SCAF11: variants seen among roughly 807,000 people sequenced by gnomAD.
SCAF11 encodes the protein SR-related CTD associated factor 11.
A neutral mutation model predicts 140.5 loss-of-function variants in SCAF11; 47 were observed. That is an observed-to-expected ratio of 0.33 (90% CI 0.26 to 0.43). The LOEUF (loss-of-function observed/expected upper bound fraction) is 0.43. Among genes scored for constraint, SCAF11 ranks in the 20% least tolerant of loss-of-function variants. The pLI is 1.00. For missense variants in SCAF11, 1,645 were observed against 1,705.1 expected, an observed-to-expected ratio of 0.96 and a Z score of 0.62; for synonymous variants, 557 against 579.4, an observed-to-expected ratio of 0.96 and a Z score of 0.55.
At chr12:45,943,832 G>T (rs978780694) in intron 6 of SCAF11, among the ~76,000 whole-genome samples, 3 of 152,078 alleles carry the variant, frequency 2.0e-5, no homozygotes, top group Non-Finnish European at 4.4e-5. Flanking sequence ...CTTAGATAAT[G>T]CTAACCTTCT....
intron 1 of SCAF11, among the ~76,000 whole-genome samples, chr12:45,973,216 GAGTC>G: frequency 6.6e-6 from 1 of 150,820 alleles, no homozygotes; most frequent in Non-Finnish European, 1.5e-5. Flanking sequence ...AAAGAGTAAA[GAGTC>G]AGTAAACTTG....
rs1311392098 is a variant in SCAF11 at position 45,926,419 on chromosome 12, T to G, written c.3282A>C (p.Glu1094Asp). ...GGGGTTTTCGATTTTGCCACCGATT[T>G]TCATTCTGATCTTTATAGGCAAAAC... ...RSSFAYKDQNENRWQNRKPLS... is the reference protein window; with the variant it reads ...RSSFAYKDQNDNRWQNRKPLS... The change falls in exon 11 of 15, where the codon GAA (glutamate) becomes GAC (aspartate). Residue 1094 changes from glutamate (E) to aspartate (D), a missense_variant. Around this residue, in one of 2 missense-constraint regions of SCAF11, gnomAD observed 1,582 missense variants for 1,609.2 expected, o/e 0.98. Transcript: ENST00000369367. 4.3e-6 allele frequency: 7 copies of G among 1,614,110 alleles called. No individual in the cohort carries two copies. In the Admixed American group the frequency reaches 8.3e-5, roughly 19 times the overall value.
At position 45,928,790 on chromosome 12, in the gene SCAF11, G is replaced by T; in HGVS notation, c.911C>A (p.Thr304Lys). The part of the protein sequence containing the change: ...EGEEKKQTSG[T>K]SNTRGSRRKP... The stretch of plus-strand genomic sequence containing the variant: ...TCGTCTTGATCCTCTGGTATTTGAT[G>T]TACCAGAAGTTTGCTTCTTTTCTTC... Residue 304 changes from threonine to lysine, a missense_variant, in exon 11 of 15, where the codon ACA (threonine) becomes AAA (lysine). Physicochemically the swap from Thr to Lys is moderately conservative, Grantham distance 78 (BLOSUM62 -1). Around this residue, in one of 2 missense-constraint regions of SCAF11, gnomAD observed 1,582 missense variants for 1,609.2 expected, o/e 0.98. Coordinates refer to ENST00000369367, the MANE Select transcript of SCAF11 (RefSeq NM_004719.3). 6.2e-7 allele frequency: 1 copy of T among 1,612,884 alleles called. No homozygotes were observed. Among genetic ancestry groups the T allele is most frequent in the Non-Finnish European group, 8.5e-7 (1 of 1,179,896 alleles).
intron 3 of SCAF11, chr12:45,960,417 T>TA (rs1565681532): frequency 2.0e-5 from 3 of 152,018 alleles, no homozygotes; most frequent in East Asian, 1.9e-4. Flanking sequence ...GCAAAATCTC[T>TA]AAAAAAATTT....
chr12:45,946,657 T>A (rs975032785), intron 5 of SCAF11, among the ~76,000 whole-genome samples: 5 of 152,020 alleles, frequency 3.3e-5, no homozygotes, highest in South Asian at 4.1e-4. Context: ...AAAAAATGCA[T>A]ATCTATGATA....
At chr12:45,983,362 C>T (rs1946387549) in intron 1 of SCAF11, among the ~76,000 whole-genome samples, 1 of 152,100 alleles carries the variant, frequency 6.6e-6, no homozygotes, top group South Asian at 2.1e-4. Context: ...ACATAGATAT[C>T]AACAAACCTG....
At position 45,927,608 on chromosome 12, in the gene SCAF11, G is replaced by C. The variant is rs974226305; in HGVS notation, c.2093C>G (p.Pro698Arg). The C allele has an allele frequency of 6.2e-7, 1 of 1,612,548 alleles. No homozygotes were observed. The highest frequency in any genetic ancestry group is 1.3e-5 in the African/African-American group (1 of 74,726). ...LTEHPRSTEL[P>R]KTHIEQIQKH... ...CTGAATCTGTTCAATGTGTGTTTTA[G>C]GCAACTCTGTAGATCTAGGATGTTC... Residue 698 changes from proline to arginine, a missense_variant, in exon 11 of 15, where the codon CCT becomes CGT. Physicochemically the swap from Pro to Arg is moderately radical, Grantham distance 103. Transcript: ENST00000369367.
intron 6 of SCAF11, among the ~76,000 whole-genome samples, chr12:45,944,364 T>C (rs1402474386): frequency 6.6e-6 from 1 of 152,254 alleles, no homozygotes; most frequent in Non-Finnish European, 1.5e-5. Flanking sequence ...AGAACGTTTG[T>C]TAATCTGTAA....
chr12:45,969,865 T>C (rs978783825), intron 1 of SCAF11, among the ~76,000 whole-genome samples: 8 of 152,076 alleles, frequency 5.3e-5, no homozygotes, highest in African/African-American at 1.4e-4. Context: ...GCCTCTCAAG[T>C]AGCTAGGACT....
rs759863926 is a variant in SCAF11 at position 45,922,581 on chromosome 12, TTC to T, written c.4126-1_4126del. The T allele has an allele frequency of 6.3e-7, 1 of 1,586,618 alleles. No homozygotes were observed. The highest frequency in any genetic ancestry group is 2.3e-5 in the East Asian group (1 of 44,274). On this transcript the variant is annotated splice_acceptor_variant and coding_sequence_variant, in exon 14 of 15. Transcript: ENST00000369367. LOFTEE classifies it high-confidence loss of function. ...TGCTGCTTTTTCTTGAATTTGCAAT[TTC>T]TGATGAGAAGAAAATGTATAATTTA...
intron 3 of SCAF11, chr12:45,956,148 T>A: frequency 1.4e-6 from 1 of 716,874 alleles, no homozygotes; most frequent in South Asian, 1.5e-5. Context: ...CGCTTCCTCC[T>A]GCTGCTCTAT....
chr12:45,958,738 C>A (rs753196006), intron 3 of SCAF11, among the ~76,000 whole-genome samples: 2 of 152,134 alleles, frequency 1.3e-5, no homozygotes, highest in Non-Finnish European at 2.9e-5. Context: ...ACAGGTTCAC[C>A]CTGAAACATT....
chr12:45,959,415 CAT>C, intron 3 of SCAF11, among the ~76,000 whole-genome samples: 1 of 152,176 alleles, frequency 6.6e-6, no homozygotes, highest in South Asian at 2.1e-4. Context: ...TAAATATTAA[CAT>C]AGTGAATTAA....
chr12:45,961,187 T>C (rs1945816697), intron 3 of SCAF11: 3 of 599,952 alleles, frequency 5.0e-6, no homozygotes, highest in Non-Finnish European at 9.1e-6. Context: ...TCTTAAACTA[T>C]GAGATCTTGA....
chr12:45,922,350 C>T (rs1353717353), intron 14 of SCAF11, 113 bp downstream of exon 14: 23 of 1,486,200 alleles, frequency 1.5e-5, no homozygotes, highest in Non-Finnish European at 2.0e-5. Flanking sequence ...AAAAAGTAGA[C>T]AGGAATTAGT....
rs748300627 is a variant in SCAF11, at chr12:45,922,618, A to G, written c.4126-36T>C. 6 of 1,556,930 alleles carry G rather than the reference A, an allele frequency of 3.9e-6. No individual in the cohort carries two copies. In the East Asian group the frequency reaches 1.4e-4, roughly 36 times the overall value. ...GAAAATGTATAATTTATTATTTGCC[A>G]GTCATACTGCTCTCACAAAATCCCA... On this transcript the variant is annotated intron_variant, in intron 13 of 14. Transcript: ENST00000369367.
chr12:45,922,941 C>G lies in SCAF11; in HGVS notation c.4120G>C (p.Asp1374His). Residue 1374 changes from aspartate (D) to histidine (H), a missense_variant, in exon 13 of 15, where the codon GAC (aspartate) becomes CAC (histidine). Coordinates refer to ENST00000369367, the MANE Select transcript of SCAF11 (RefSeq NM_004719.3). The part of the protein sequence containing the change: ...VEASADSSKT[D>H]KKLQIQEKAA... ...GCTCTCAACCTTGAACTTGCCTTGTCTGTCTTCGAGCTATCTGCGCTGGCT... is the reference window on the plus strand; with the variant it reads ...GCTCTCAACCTTGAACTTGCCTTGTGTGTCTTCGAGCTATCTGCGCTGGCT... 6.2e-7 allele frequency: 1 copy of G among 1,614,054 alleles called. No individual in the cohort carries two copies. Among genetic ancestry groups the G allele is most frequent in the Non-Finnish European group, 8.5e-7 (1 of 1,179,894 alleles).
At chr12:45,932,987 G>T in intron 9 of SCAF11, 144 bp downstream of exon 9, 2 of 558,402 alleles carry the variant, frequency 3.6e-6, no homozygotes, top group Non-Finnish European at 6.3e-6. Flanking sequence ...ATCTTTATTG[G>T]GCATTTGAAA....
At chr12:45,973,564 A>C (rs1374317691) in intron 1 of SCAF11, among the ~76,000 whole-genome samples, 4 of 152,168 alleles carry the variant, frequency 2.6e-5, no homozygotes, top group Non-Finnish European at 4.4e-5. Context: ...TGAAAGTTAC[A>C]AAGGAAAACC....
Sources: gnomAD v4.1 joint callset for allele counts (sites outside exome capture counted in the v4.1 genomes callset) on GRCh38, gnomAD v4.1.1 for gene constraint, gnomAD v4.1.1 regional missense constraint, MANE v1.5 for transcripts, NCBI Gene and HGNC (gene_info 2026-07-23, HGNC 2026-07-21) for gene names.